Variants in SCHIP1 observed in about 807,000 individuals in gnomAD.
SCHIP1 encodes the protein schwannomin-interacting protein 1.
A neutral mutation model predicts 29.7 loss-of-function variants in SCHIP1; 8 were observed. The observed-to-expected ratio is 0.27, with a 90% CI of 0.16 to 0.49. SCHIP1 has a LOEUF of 0.49. Ranked by LOEUF, SCHIP1 falls within the 20% of genes least tolerant of loss-of-function variation. The probability of loss-of-function intolerance (pLI) is 0.99; values close to 1 mark genes in which losing one functional copy is unlikely to be tolerated. For missense variants in SCHIP1, 193 were observed against 294.6 expected (o/e 0.66, Z 2.52); for synonymous variants, 76 against 94.9 (o/e 0.80, Z 1.16).
chr3:159,417,324 A>G, the SCHIP1 span, among the ~76,000 whole-genome samples: 15 of 152,338 alleles, frequency 9.8e-5, no homozygotes, highest in African/African-American at 3.4e-4. Flanking sequence ...AAATCAGCCA[A>G]TTGTAAAGAG....
the SCHIP1 span, among the ~76,000 whole-genome samples, chr3:159,554,026 A>C: frequency 8.8e-6 from 1 of 114,042 alleles, no homozygotes. Flanking sequence ...GTGTTTGTGT[A>C]TGTGTGTGTG....
At chr3:159,592,121 T>C in the SCHIP1 span, among the ~76,000 whole-genome samples, 1 of 152,110 alleles carries the variant, frequency 6.6e-6, no homozygotes, top group African/African-American at 2.4e-5. Context: ...AGTACTCAGC[T>C]GCTATCCCAG....
the SCHIP1 span, among the ~76,000 whole-genome samples, chr3:159,694,592 GAAAGAAAGAAAGA>G: frequency 2.0e-4 from 27 of 136,192 alleles, no homozygotes; most frequent in South Asian, 2.6e-3. Context: ...AAGAAAGAAA[GAAAGAAAGAAAGA>G]AAGGAATTAT....
At chr3:159,354,988 T>C in the SCHIP1 span, among the ~76,000 whole-genome samples, 6 of 152,184 alleles carry the variant, frequency 3.9e-5, no homozygotes, top group South Asian at 6.2e-4. Flanking sequence ...ATCCATTGCC[T>C]CCCATAGATA....
At chr3:159,887,492 A>AT in intron 3 of SCHIP1, 2 of 526,608 alleles carry the variant, frequency 3.8e-6, no homozygotes, top group South Asian at 5.5e-5. Flanking sequence ...ATTTCCCATT[A>AT]TTAACTATAC....
the SCHIP1 span, among the ~76,000 whole-genome samples, chr3:159,603,944 G>A: frequency 6.6e-6 from 1 of 151,990 alleles, no homozygotes; most frequent in African/African-American, 2.4e-5. Flanking sequence ...ACCCACTCTT[G>A]CCATCACTAA....
chr3:159,713,752 T>C, the SCHIP1 span, among the ~76,000 whole-genome samples: 1 of 152,232 alleles, frequency 6.6e-6, no homozygotes, highest in Non-Finnish European at 1.5e-5. Context: ...TTAATTTGGC[T>C]GGTGAGTTTA....
the SCHIP1 span, among the ~76,000 whole-genome samples, chr3:159,473,186 C>T: frequency 2.0e-5 from 3 of 152,138 alleles, no homozygotes; most frequent in South Asian, 2.1e-4. Context: ...ACAATATTGA[C>T]TTAAAAAGTT....
the SCHIP1 span, among the ~76,000 whole-genome samples, chr3:159,293,345 A>G: frequency 1.3e-5 from 2 of 152,200 alleles, no homozygotes; most frequent in South Asian, 4.1e-4. Flanking sequence ...TCTATTTTCA[A>G]AAAGGGCTGG....
chr3:159,336,467 A>G, the SCHIP1 span, among the ~76,000 whole-genome samples: 1 of 152,096 alleles, frequency 6.6e-6, no homozygotes, highest in African/African-American at 2.4e-5. Context: ...CTAGGGTTTT[A>G]TGGTTTTAGG....
the SCHIP1 span, among the ~76,000 whole-genome samples, chr3:159,742,834 A>ATTTTTTTT: frequency 3.1e-3 from 347 of 110,774 alleles, no homozygotes; most frequent in African/African-American, 7.1e-3. Flanking sequence ...CGCCTAGCTA[A>ATTTTTTTT]TTTTTTTTTT....
the SCHIP1 span, among the ~76,000 whole-genome samples, chr3:159,275,596 T>C: frequency 1.6e-4 from 25 of 152,274 alleles, no homozygotes; most frequent in Non-Finnish European, 2.9e-4. Context: ...CTGCTTTTTT[T>C]CCAAACATTT....
the SCHIP1 span, among the ~76,000 whole-genome samples, chr3:159,295,614 C>G: frequency 9.9e-5 from 15 of 152,164 alleles, no homozygotes; most frequent in Non-Finnish European, 2.1e-4. Context: ...AGTCCTTCCT[C>G]CCATCAAGCA....
At chr3:159,557,579 G>A in the SCHIP1 span, among the ~76,000 whole-genome samples, 1 of 152,196 alleles carries the variant, frequency 6.6e-6, no homozygotes, top group Non-Finnish European at 1.5e-5. Flanking sequence ...GTGTTGGGAG[G>A]CCAAGGTGGG....
chr3:159,278,264 G>A, the SCHIP1 span, among the ~76,000 whole-genome samples: 1 of 152,148 alleles, frequency 6.6e-6, no homozygotes, highest in Non-Finnish European at 1.5e-5. Context: ...ACTTGAAAAG[G>A]AGTAAGGGGA....
the SCHIP1 span, among the ~76,000 whole-genome samples, chr3:159,635,667 C>G: frequency 3.3e-5 from 5 of 152,232 alleles, no homozygotes; most frequent in East Asian, 9.7e-4. Flanking sequence ...GTCTAGCTTC[C>G]TTACTCTCAT....
the SCHIP1 span, among the ~76,000 whole-genome samples, chr3:159,494,709 A>T: frequency 6.6e-6 from 1 of 152,188 alleles, no homozygotes; most frequent in East Asian, 1.9e-4. Flanking sequence ...TTCTGAAACT[A>T]TTCCAATCAA....
chr3:159,846,260 G>T (rs1560079725), intron 1 of SCHIP1, among the ~76,000 whole-genome samples: 2 of 152,218 alleles, frequency 1.3e-5, no homozygotes, highest in African/African-American at 4.8e-5. Flanking sequence ...AAATGTTTCA[G>T]CCCAATTGAG....
At chr3:159,864,866 G>A (rs999474591) in intron 1 of SCHIP1, among the ~76,000 whole-genome samples, 2 of 152,134 alleles carry the variant, frequency 1.3e-5, no homozygotes, top group Non-Finnish European at 2.9e-5. Flanking sequence ...CTTGAAATGA[G>A]GTAGTGTGCC....
Sources: allele counts gnomAD v4.1 joint callset (sites outside exome capture counted in the v4.1 genomes callset), GRCh38; gene constraint gnomAD v4.1.1; transcripts MANE v1.5; gene names NCBI Gene and HGNC (gene_info 2026-07-23, HGNC 2026-07-21).